CNTNAP5: variants seen among roughly 807,000 people sequenced by gnomAD.
CNTNAP5 encodes the protein contactin-associated protein-like 5.
CNTNAP5 carries 72 observed loss-of-function variants against 150.2 expected under a neutral mutation model. That is an observed-to-expected ratio of 0.48 (90% CI 0.40 to 0.58). CNTNAP5 has a LOEUF of 0.58. Among genes scored for constraint, CNTNAP5 ranks in the 20% least tolerant of loss-of-function variants. The probability of loss-of-function intolerance (pLI) is 0.00; values close to 1 mark genes in which losing one functional copy is unlikely to be tolerated. For synonymous variants in CNTNAP5, 672 were observed against 619.8 expected (o/e 1.08, Z -1.25); for missense variants, 1,636 against 1,626.2 (o/e 1.01, Z -0.10).
intron 1 of CNTNAP5, among the ~76,000 whole-genome samples, chr2:124,090,077 T>C (rs1378561260): frequency 6.9e-6 from 1 of 145,016 alleles, no homozygotes; most frequent in African/African-American, 2.4e-5. Flanking sequence ...CAAGAGACAA[T>C]ATTGAGTAAA....
intron 17 of CNTNAP5, among the ~76,000 whole-genome samples, chr2:124,787,413 T>C (rs1041052862): frequency 3.5e-4 from 54 of 152,316 alleles, no homozygotes; most frequent in African/African-American, 1.2e-3. Context: ...GAGAATGTAA[T>C]TGGGGTTTGG....
intron 3 of CNTNAP5, among the ~76,000 whole-genome samples, chr2:124,254,351 A>C (rs1558821149): frequency 6.6e-6 from 1 of 152,112 alleles, no homozygotes; most frequent in Non-Finnish European, 1.5e-5. Flanking sequence ...GGCATTTGCA[A>C]ATTCCAGAGG....
At chr2:124,123,503 C>G (rs1283057251) in intron 1 of CNTNAP5, among the ~76,000 whole-genome samples, 2 of 152,120 alleles carry the variant, frequency 1.3e-5, no homozygotes, top group Non-Finnish European at 2.9e-5. Context: ...CAAAAGGCAG[C>G]AGAAACTTCA....
At chr2:124,763,318 T>C (rs1680998090) in intron 14 of CNTNAP5, among the ~76,000 whole-genome samples, 1 of 152,160 alleles carries the variant, frequency 6.6e-6, no homozygotes. Context: ...GTTGCTGAGA[T>C]AGCCGATCTC....
At chr2:124,791,446 G>A (rs563227568) in intron 18 of CNTNAP5, among the ~76,000 whole-genome samples, 4 of 152,200 alleles carry the variant, frequency 2.6e-5, no homozygotes, top group African/African-American at 4.8e-5. Context: ...TCACACTGGC[G>A]GAGGTCTCTG....
At chr2:124,201,679 C>G (rs1018613978) in intron 1 of CNTNAP5, among the ~76,000 whole-genome samples, 1 of 152,196 alleles carries the variant, frequency 6.6e-6, no homozygotes. Flanking sequence ...CAGTAAGTGA[C>G]AGGTGCCCCT....
intron 22 of CNTNAP5, among the ~76,000 whole-genome samples, chr2:124,908,629 C>T (rs1678589891): frequency 6.6e-6 from 1 of 152,072 alleles, no homozygotes; most frequent in African/African-American, 2.4e-5. Flanking sequence ...TGAACTTACT[C>T]CTCAATAAAA....
At position 124,242,408 on chromosome 2, in the gene CNTNAP5, T is replaced by G; in HGVS notation, c.381+15T>G. 2 of 1,607,432 alleles carry G rather than the reference T, an allele frequency of 1.2e-6. No homozygotes were observed. The highest frequency in any genetic ancestry group is 1.7e-6 in the Non-Finnish European group (2 of 1,176,088). Reference sequence around the variant, plus strand: ...ACAGCATCTGGGTAGGACATCTTTTTCCTTCCAATGAATAAAACTGAGATG... The same window carrying G: ...ACAGCATCTGGGTAGGACATCTTTTGCCTTCCAATGAATAAAACTGAGATG... On this transcript the variant is annotated intron_variant, in intron 3 of 23. Coordinates refer to ENST00000682447, the MANE Select transcript of CNTNAP5 (RefSeq NM_001367498.1).
intron 3 of CNTNAP5, among the ~76,000 whole-genome samples, chr2:124,303,915 C>G (rs1688621426): frequency 6.6e-6 from 1 of 152,104 alleles, no homozygotes; most frequent in Non-Finnish European, 1.5e-5. Context: ...GCCAGTAGTT[C>G]CAGATACTCA....
At chr2:124,673,220 A>G (rs1048352015) in intron 13 of CNTNAP5, among the ~76,000 whole-genome samples, 6 of 144,632 alleles carry the variant, frequency 4.1e-5, no homozygotes, top group East Asian at 1.9e-4. Context: ...CGAGTACACA[A>G]TCTTAAAACA....
At position 124,577,807 on chromosome 2, in the gene CNTNAP5, GA is replaced by G. The variant is rs756799185; in HGVS notation, c.1756+14486del. On this transcript the variant is annotated intron_variant, in intron 11 of 23. Transcript: ENST00000682447. ...CATACATGGGATCTGCACAGACAGA[GA>G]ATATGACAGAGGGTCAAGAATCAAG... Among the ~76,000 whole-genome samples the G allele has an allele frequency of 7.2e-4, 109 of 152,292 alleles. 2 individuals are homozygous for G. Among genetic ancestry groups the G allele is most frequent in the Admixed American group, 2.0e-3 (30 of 15,294 alleles).
At chr2:124,260,985 A>T (rs1345287066) in intron 3 of CNTNAP5, among the ~76,000 whole-genome samples, 1 of 152,194 alleles carries the variant, frequency 6.6e-6, no homozygotes, top group East Asian at 1.9e-4. Flanking sequence ...AAGCATCTTG[A>T]GAGATAATTT....
intron 3 of CNTNAP5, among the ~76,000 whole-genome samples, chr2:124,362,014 C>T (rs1007370602): frequency 7.9e-5 from 12 of 152,334 alleles, no homozygotes; most frequent in South Asian, 6.2e-4. Flanking sequence ...TCTTGTGGTG[C>T]GCCGTTTTTT....
At chr2:124,550,762 C>A (rs888752747) in intron 10 of CNTNAP5, among the ~76,000 whole-genome samples, 1 of 152,128 alleles carries the variant, frequency 6.6e-6, no homozygotes, top group African/African-American at 2.4e-5. Flanking sequence ...TAATTATATT[C>A]TATTTTGTGA....
intron 13 of CNTNAP5, among the ~76,000 whole-genome samples, chr2:124,737,736 T>G (rs1334602526): frequency 6.6e-6 from 1 of 152,178 alleles, no homozygotes; most frequent in Non-Finnish European, 1.5e-5. Flanking sequence ...ATTTTACTTT[T>G]GAGTCTATTG....
At chr2:124,677,065 G>A (rs1407475897) in intron 13 of CNTNAP5, among the ~76,000 whole-genome samples, 1 of 152,140 alleles carries the variant, frequency 6.6e-6, no homozygotes, top group African/African-American at 2.4e-5. Flanking sequence ...GAATAAAGCT[G>A]CAGACCCTCG....
At chr2:124,910,628 C>T (rs1024816930) in intron 22 of CNTNAP5, among the ~76,000 whole-genome samples, 5 of 151,912 alleles carry the variant, frequency 3.3e-5, no homozygotes, top group Admixed American at 6.6e-5. Flanking sequence ...TGAATTTTGC[C>T]TCTTTCATGA....
At chr2:124,291,607 C>A (rs1284908281) in intron 3 of CNTNAP5, among the ~76,000 whole-genome samples, 1 of 151,736 alleles carries the variant, frequency 6.6e-6, no homozygotes, top group Non-Finnish European at 1.5e-5. Flanking sequence ...GTCAGACCTA[C>A]AATTATTTCC....
In CNTNAP5 at chr2:124,863,416, G is replaced by A. The variant is rs72963856; in HGVS notation, c.3218-1890G>A. 4.8e-3 allele frequency among the ~76,000 whole-genome samples: 734 copies of A among 152,280 alleles called. 8 individuals carry two copies. Among genetic ancestry groups the A allele is most frequent in the African/African-American group, 0.017 (695 of 41,548 alleles). On this transcript the variant is annotated intron_variant, in intron 19 of 23. Transcript: ENST00000682447. ...TGCACAAAATATGCTGCTCTTGGGA[G>A]CAGCCATTACTTTTTAAGTAGTAAA...
Sources: gnomAD v4.1 joint callset for allele counts (sites outside exome capture counted in the v4.1 genomes callset) on GRCh38, gnomAD v4.1.1 for gene constraint, MANE v1.5 for transcripts, NCBI Gene and HGNC (gene_info 2026-07-23, HGNC 2026-07-21) for gene names.